The following SYNDIG1L variants were observed in gnomAD, a reference collection of about 807,000 sequenced individuals.
SYNDIG1L encodes synapse differentiation inducing 1 like.
A neutral mutation model predicts 20.1 loss-of-function variants in SYNDIG1L; 13 were observed. That is an observed-to-expected ratio of 0.65 (90% confidence interval 0.42 to 1.03). The LOEUF is 1.03. SYNDIG1L is among the 50% of genes least tolerant of loss of function. The probability of loss-of-function intolerance (pLI) is 0.00; values close to 1 mark genes in which losing one functional copy is unlikely to be tolerated. For missense variants in SYNDIG1L, 294 were observed against 305.1 expected (o/e 0.96, Z 0.27); for synonymous variants, 128 against 129.3 (o/e 0.99, Z 0.07).
the SYNDIG1L span, among the ~76,000 whole-genome samples, chr14:74,458,799 G>A: frequency 6.6e-6 from 1 of 152,112 alleles, no homozygotes; most frequent in East Asian, 1.9e-4. Context: ...CTGTGAAGGA[G>A]TCAGGCAGAT....
At chr14:74,428,522 G>A (rs545094874), upstream of SYNDIG1L, among the ~76,000 whole-genome samples, 9 of 152,270 alleles carry the variant, frequency 5.9e-5, no homozygotes, top group African/African-American at 1.2e-4. Flanking sequence ...AAGGGGATGC[G>A]GTCCATAGAC....
intron 2 of SYNDIG1L, among the ~76,000 whole-genome samples, chr14:74,408,735 T>A (rs1370974318): frequency 6.6e-6 from 1 of 152,046 alleles, no homozygotes; most frequent in African/African-American, 2.4e-5. Context: ...AGAAATAAAA[T>A]CAGATTATAA....
chr14:74,435,645 G>A, the SYNDIG1L span, among the ~76,000 whole-genome samples: 1 of 152,310 alleles, frequency 6.6e-6, no homozygotes, highest in East Asian at 1.9e-4. Context: ...CCAGTAATAA[G>A]TTCTATTTTT....
At chr14:74,471,685 A>G in the SYNDIG1L span, among the ~76,000 whole-genome samples, 2 of 152,106 alleles carry the variant, frequency 1.3e-5, no homozygotes, top group Non-Finnish European at 2.9e-5. Flanking sequence ...CTATGGATTC[A>G]ATTCAACATT....
chr14:74,420,365 C>G (rs1384064628), intron 1 of SYNDIG1L, among the ~76,000 whole-genome samples: 1 of 145,528 alleles, frequency 6.9e-6, no homozygotes, highest in Admixed American at 6.9e-5. Flanking sequence ...CACCCACCAG[C>G]CTGTGTGACA....
the SYNDIG1L span, among the ~76,000 whole-genome samples, chr14:74,457,815 C>G: frequency 6.6e-6 from 1 of 151,816 alleles, no homozygotes; most frequent in African/African-American, 2.4e-5. Flanking sequence ...TTAAAGGGCT[C>G]GAGATTTGGA....
At chr14:74,433,959 C>A in the SYNDIG1L span, among the ~76,000 whole-genome samples, 1 of 151,942 alleles carries the variant, frequency 6.6e-6, no homozygotes, top group Non-Finnish European at 1.5e-5. Flanking sequence ...GCAATGGGTA[C>A]ACAAATTTAA....
the SYNDIG1L span, among the ~76,000 whole-genome samples, chr14:74,467,295 C>T: frequency 7.9e-5 from 12 of 152,142 alleles, no homozygotes; most frequent in Non-Finnish European, 1.3e-4. Flanking sequence ...GCTTGAGTGT[C>T]GCCCACCCTG....
chr14:74,407,942 C>T lies in SYNDIG1L; in HGVS notation c.465G>A (p.Thr155=), dbSNP rs754690482. Residue 155 remains threonine, a synonymous_variant, in exon 3 of 4, where the codon ACG becomes ACA. Coordinates refer to ENST00000331628, the MANE Select transcript of SYNDIG1L (RefSeq NM_001105579.2). ...GTCCCAGGTGGTCCCTGGGAGGCAG[C>T]GTGAGGAAGTTGTCTTCACTTTCAC... ...TESESEDNFL[T]LPPRDHLGLT... is the part of the protein sequence containing the mutation. The T allele has an allele frequency of 3.7e-6, 6 of 1,613,654 alleles. No homozygotes were observed. The highest frequency in any genetic ancestry group is 4.2e-6 in the Non-Finnish European group (5 of 1,179,760).
At chr14:74,415,387 G>A (rs2086166529) in intron 1 of SYNDIG1L, among the ~76,000 whole-genome samples, 1 of 152,130 alleles carries the variant, frequency 6.6e-6, no homozygotes, top group Non-Finnish European at 1.5e-5. Context: ...ATGATTCTGG[G>A]GTGGGGCCTG....
chr14:74,409,128 G>A (rs919934987), intron 2 of SYNDIG1L, among the ~76,000 whole-genome samples, 200 bp downstream of exon 2: 4 of 151,510 alleles, frequency 2.6e-5, no homozygotes, highest in Non-Finnish European at 2.9e-5. Flanking sequence ...CACCAGGCAG[G>A]AGTGCAGTGG....
At chr14:74,435,575 C>T in the SYNDIG1L span, among the ~76,000 whole-genome samples, 3 of 152,180 alleles carry the variant, frequency 2.0e-5, no homozygotes, top group African/African-American at 4.8e-5. Context: ...TTTCAAAGTG[C>T]TTGCTGTGAA....
chr14:74,424,489 G>T (rs928440515), intron 1 of SYNDIG1L, among the ~76,000 whole-genome samples: 2 of 152,074 alleles, frequency 1.3e-5, no homozygotes, highest in Non-Finnish European at 2.9e-5. Context: ...CCTTCAGGGA[G>T]CTCTTTCCCT....
rs760080973 is a variant in SYNDIG1L, at chr14:74,409,756, A to G, written c.-12T>C. 63 of 1,419,458 alleles carry G rather than the reference A, an allele frequency of 4.4e-5. No homozygotes were observed. In the South Asian group the frequency reaches 1.1e-3, roughly 25 times the overall value. 87.9% of individuals were successfully genotyped at this position (1,419,458 alleles called of 1,614,324 possible). On this transcript the variant is annotated 5_prime_UTR_variant, in exon 2 of 4. Coordinates refer to ENST00000331628, the MANE Select transcript of SYNDIG1L (RefSeq NM_001105579.2). ...CTCAGACTCTCCATGGTTCTGGGGC[A>G]GCTGCTGGGGAGGGGGGCCTGGGCC...
At chr14:74,415,885 A>G (rs1214796190) in intron 1 of SYNDIG1L, among the ~76,000 whole-genome samples, 1 of 152,250 alleles carries the variant, frequency 6.6e-6, no homozygotes, top group Non-Finnish European at 1.5e-5. Context: ...AGACAAATAG[A>G]AAGTAAATAG....
the SYNDIG1L span, among the ~76,000 whole-genome samples, chr14:74,444,063 ATTTAT>A: frequency 1.3e-5 from 2 of 152,114 alleles, no homozygotes; most frequent in South Asian, 2.1e-4. Flanking sequence ...ATTTGAAGGA[ATTTAT>A]TTTATTTTAT....
the SYNDIG1L span, among the ~76,000 whole-genome samples, chr14:74,463,011 C>A: frequency 6.6e-6 from 1 of 152,112 alleles, no homozygotes; most frequent in East Asian, 1.9e-4. Flanking sequence ...ACCAAGATGT[C>A]GGATCATGGG....
chr14:74,432,140 G>GGTGTGTGT, the SYNDIG1L span, among the ~76,000 whole-genome samples: 574 of 120,976 alleles, frequency 4.7e-3, 3 homozygotes, highest in Admixed American at 6.3e-3. Context: ...TGCCTTGGAA[G>GGTGTGTGT]GTGTGTGTGT....
chr14:74,478,453 C>T, the SYNDIG1L span, among the ~76,000 whole-genome samples: 3 of 152,190 alleles, frequency 2.0e-5, no homozygotes, highest in South Asian at 2.1e-4. Context: ...TCAAACTAGT[C>T]AGCTGTATCA....
Sources: gnomAD v4.1 joint callset for allele counts (sites outside exome capture counted in the v4.1 genomes callset) on GRCh38, gnomAD v4.1.1 for gene constraint, MANE v1.5 for transcripts, NCBI Gene and HGNC (gene_info 2026-07-23, HGNC 2026-07-21) for gene names.